The following TMX3 variants were observed in gnomAD, a reference collection of about 807,000 sequenced individuals.
The protein encoded by TMX3 is thioredoxin related transmembrane protein 3, also known as protein disulfide-isomerase TMX3.
In TMX3, 40 loss-of-function variants were observed where a neutral mutation model predicts 64.4. That is an observed-to-expected ratio of 0.62 (90% CI 0.48 to 0.81). The LOEUF (loss-of-function observed/expected upper bound fraction) is 0.81. TMX3 is among the 30% of genes least tolerant of loss of function. The pLI, the probability that TMX3 is intolerant of heterozygous loss-of-function variation, is 0.00. For missense variants in TMX3, 497 were observed against 534.5 expected (o/e 0.93, Z 0.69); for synonymous variants, 189 against 175.7 (o/e 1.08, Z -0.60).
intron 13 of TMX3, 74 bp downstream of exon 13, chr18:68,682,851 C>A: frequency 7.5e-7 from 1 of 1,330,334 alleles, no homozygotes; most frequent in South Asian, 1.3e-5. Context: ...CTATTTAATC[C>A]TTCTACCTGT....
At chr18:68,694,342 T>C (rs919916258) in intron 8 of TMX3, among the ~76,000 whole-genome samples, 1 of 152,174 alleles carries the variant, frequency 6.6e-6, no homozygotes, top group Non-Finnish European at 1.5e-5. Context: ...TGTGTTCCCC[T>C]TGTCTAGATG....
chr18:68,697,974 G>A lies in TMX3; in HGVS notation c.450C>T (p.His150=). ...CACCTACATAAACGAAAAATACACGGTGTCTCTTCTGCATATGTTCAAACA... is the reference window on the plus strand; with the variant it reads ...CACCTACATAAACGAAAAATACACGATGTCTCTTCTGCATATGTTCAAACA... The part of the protein sequence containing the change: ...QQMFEHMQKR[H]RVFFVYVGGE... Residue 150 remains histidine (H), a synonymous_variant, in exon 7 of 16, where the codon CAC becomes CAT. Transcript: ENST00000299608. 1 of 1,612,338 alleles carries A rather than the reference G, an allele frequency of 6.2e-7. No homozygotes were observed. The highest frequency in any genetic ancestry group is 8.5e-7 in the Non-Finnish European group (1 of 1,179,680).
chr18:68,713,065 A>T (rs1029820181), intron 2 of TMX3, among the ~76,000 whole-genome samples: 1 of 151,974 alleles, frequency 6.6e-6, no homozygotes, highest in Admixed American at 6.6e-5. Flanking sequence ...CCCATGAAAC[A>T]GCACCAGGTG....
intron 4 of TMX3, among the ~76,000 whole-genome samples, chr18:68,705,932 G>T (rs2030615407): frequency 6.6e-6 from 1 of 152,178 alleles, no homozygotes; most frequent in Non-Finnish European, 1.5e-5. Flanking sequence ...TGAGAAATGA[G>T]TTATTATCAA....
chr18:68,701,894 A>G (rs1204581667), intron 4 of TMX3, 104 bp from the exon 5 acceptor site: 2 of 824,038 alleles, frequency 2.4e-6, no homozygotes, highest in African/African-American at 3.5e-5. Context: ...TATACAACCC[A>G]TATAGATACG....
intron 13 of TMX3, 134 bp from the exon 14 acceptor site, chr18:68,681,244 G>C (rs1005380071): frequency 1.3e-6 from 1 of 792,200 alleles, no homozygotes; most frequent in African/African-American, 1.8e-5. Flanking sequence ...GGTAGAAAAT[G>C]ATCAAATAGA....
At chr18:68,701,350 T>A (rs537497809) in intron 5 of TMX3, among the ~76,000 whole-genome samples, 1 of 152,282 alleles carries the variant, frequency 6.6e-6, no homozygotes, top group Admixed American at 6.5e-5. Context: ...TTTAGAATTA[T>A]CACATTTCTT....
chr18:68,681,797 C>T (rs1290596935), intron 13 of TMX3, among the ~76,000 whole-genome samples: 3 of 152,152 alleles, frequency 2.0e-5, no homozygotes, highest in Non-Finnish European at 4.4e-5. Flanking sequence ...TTCCACTGGG[C>T]CCTCAATGAG....
rs981207169 is a variant in TMX3, at chr18:68,714,786, C to T, written c.46+150G>A. 8.0e-5 allele frequency: 90 copies of T among 1,123,254 alleles called. 1 individual carries two copies. In the South Asian group the frequency reaches 9.1e-4, roughly 11 times the overall value. 69.6% of individuals were successfully genotyped at this position (1,123,254 alleles called of 1,614,324 possible). A position where few individuals can be genotyped will look rare whatever the true frequency, so the allele number is the denominator to read the frequency against. On this transcript the variant is annotated intron_variant, in intron 1 of 15. Coordinates refer to ENST00000299608, the MANE Select transcript of TMX3 (RefSeq NM_019022.5). ...GCTCCGTCAGGGCCAGGCAGGGTGGCGCGGCGGGGGCGGCAGGACGCTGCC... is the reference window on the plus strand; with the variant it reads ...GCTCCGTCAGGGCCAGGCAGGGTGGTGCGGCGGGGGCGGCAGGACGCTGCC...
chr18:68,709,065 G>A (rs963906623), intron 4 of TMX3, among the ~76,000 whole-genome samples: 6 of 152,014 alleles, frequency 3.9e-5, no homozygotes, highest in African/African-American at 1.4e-4. Context: ...GAAACTGCAG[G>A]TATTGAATAC....
intron 4 of TMX3, 40 bp from the exon 5 acceptor site, chr18:68,701,830 A>T: frequency 6.5e-7 from 1 of 1,548,838 alleles, no homozygotes; most frequent in East Asian, 2.3e-5. Flanking sequence ...AATTTTTTTT[A>T]AATATGAGAA....
At chr18:68,714,913 C>T (rs1471890855) in intron 1 of TMX3, 23 bp downstream of exon 1, 1 of 1,552,304 alleles carries the variant, frequency 6.4e-7, no homozygotes, top group Non-Finnish European at 8.7e-7. Context: ...CCGCCAGCGT[C>T]CCGACCGCTG....
chr18:68,697,335 G>C, intron 7 of TMX3, 32 bp from the exon 8 acceptor site: 2 of 1,380,664 alleles, frequency 1.4e-6, no homozygotes, highest in South Asian at 1.4e-5. Context: ...AAAGATCATT[G>C]AAAAATATTA....
chr18:68,685,464 C>T (rs1913852896), intron 10 of TMX3, among the ~76,000 whole-genome samples: 2 of 152,156 alleles, frequency 1.3e-5, no homozygotes, highest in South Asian at 4.1e-4. Context: ...TGAAATATCT[C>T]GTTTGCTATT....
At chr18:68,711,965 C>T (rs889920340) in intron 2 of TMX3, among the ~76,000 whole-genome samples, 2 of 152,196 alleles carry the variant, frequency 1.3e-5, no homozygotes, top group African/African-American at 2.4e-5. Context: ...TCAGGCCCAA[C>T]CTTTAACTGT....
At chr18:68,709,850 C>T (rs1213812865) in intron 4 of TMX3, among the ~76,000 whole-genome samples, 171 bp downstream of exon 4, 1 of 152,024 alleles carries the variant, frequency 6.6e-6, no homozygotes, top group Non-Finnish European at 1.5e-5. Flanking sequence ...ACACTACACG[C>T]TACATGTTCA....
intron 15 of TMX3, among the ~76,000 whole-genome samples, chr18:68,678,776 C>A (rs1369158754): frequency 1.3e-5 from 2 of 152,022 alleles, no homozygotes; most frequent in Non-Finnish European, 2.9e-5. Context: ...AATTCGTCTA[C>A]CACTGTTGAT....
chr18:68,698,152 TTAAGTA>T (rs1283010852), intron 6 of TMX3, 121 bp from the exon 7 acceptor site: 15 of 652,212 alleles, frequency 2.3e-5, no homozygotes, highest in Middle Eastern at 4.1e-4. Context: ...CAACTGCATT[TTAAGTA>T]TATCACAAAA....
intron 2 of TMX3, among the ~76,000 whole-genome samples, chr18:68,712,796 C>T (rs149026996): frequency 6.6e-6 from 1 of 152,052 alleles, no homozygotes; most frequent in Non-Finnish European, 1.5e-5. Flanking sequence ...GAGCATCCCC[C>T]ATGACCCAAC....
Sources: gnomAD v4.1 joint callset for allele counts (sites outside exome capture counted in the v4.1 genomes callset) on GRCh38, gnomAD v4.1.1 for gene constraint, MANE v1.5 for transcripts, NCBI Gene and HGNC (gene_info 2026-07-23, HGNC 2026-07-21) for gene names.